Variants in TPD52 observed in about 807,000 individuals in gnomAD.
The protein encoded by TPD52 is tumor protein D52, also known as prostate and colon associated protein.
Under a neutral mutation model 31.3 loss-of-function variants are expected in TPD52, and 17 were observed. The ratio of observed to expected loss-of-function variants is 0.54; its 90% CI spans 0.37 to 0.82. The LOEUF (loss-of-function observed/expected upper bound fraction) is 0.82, where lower values mean the gene tolerates loss of function less well. TPD52 is among the 40% of genes least tolerant of loss of function. The pLI, the probability that TPD52 is intolerant of heterozygous loss-of-function variation, is 0.00. For missense variants in TPD52, 212 were observed against 240.1 expected (o/e 0.88, Z 0.77); for synonymous variants, 83 against 89.6 (o/e 0.93, Z 0.42).
intron 1 of TPD52, among the ~76,000 whole-genome samples, chr8:80,133,923 T>G (rs10808840): frequency 0.43 from 65,651 of 151,934 alleles, 14,780 homozygotes; most frequent in East Asian, 0.78. Context: ...CAAGTCAGAA[T>G]AAGAAGAAGA....
chr8:80,105,888 C>T (rs773531952), intron 1 of TPD52, among the ~76,000 whole-genome samples: 21 of 152,174 alleles, frequency 1.4e-4, no homozygotes, highest in East Asian at 5.8e-4. Flanking sequence ...CTCACCACCA[C>T]GCCCAGCTAA....
Position 80,165,113 on chromosome 8 carries a change from C to A in TPD52, c.19+6312G>T, listed in dbSNP as rs1811630285. 2.0e-5 allele frequency among the ~76,000 whole-genome samples: 3 copies of A among 151,924 alleles called. No homozygotes were observed. The South Asian group carries it at 6.2e-4, about 31-fold the overall frequency. ...AATGCCATGTAGATTGTAAACATAT[C>A]AAAAGAAGTAAACTACCTTTATATT... On this transcript the variant is annotated intron_variant, in intron 1 of 7. Coordinates refer to ENST00000518937, the MANE Select transcript of TPD52 (RefSeq NM_001025253.3).
In TPD52 at chr8:80,053,376, G is replaced by C. The variant is rs201667286; in HGVS notation, c.190C>G (p.Leu64Val). Residue 64 changes from leucine to valine, a missense_variant, in exon 3 of 8, where the codon CTA (leucine) becomes GTA (valine). Physicochemically the swap from Leu to Val is conservative, Grantham distance 32. Transcript: ENST00000518937. ...SQVLAAKEKH[L>V]AEIKRKLGIN... The stretch of plus-strand genomic sequence containing the variant: ...CCAAGTTTCCGCTTGATCTCTGCTA[G>C]ATGCTTCTCTTTTGCTGCTAACACT... 1.7e-5 allele frequency: 27 copies of C among 1,613,642 alleles called. No homozygotes were observed. Among genetic ancestry groups the C allele is most frequent in the Middle Eastern group, 1.6e-4 (1 of 6,080 alleles).
intron 1 of TPD52, among the ~76,000 whole-genome samples, chr8:80,072,347 GTATGTGTGTATATACATGTACACATAGA>G (rs1563597886): frequency 6.8e-6 from 1 of 147,316 alleles, no homozygotes; most frequent in Non-Finnish European, 1.5e-5. Flanking sequence ...GTGTGTGTGT[GTATGTGTGTATATACATGTACACATAGA>G]TATGCGTGTA....
chr8:80,031,665 T>G (rs1809697602), downstream of TPD52, among the ~76,000 whole-genome samples: 1 of 151,884 alleles, frequency 6.6e-6, no homozygotes, highest in Non-Finnish European at 1.5e-5. Flanking sequence ...CGAGACCAGC[T>G]TGGGCCATAG....
At chr8:80,041,307 A>T (rs964354308) in intron 7 of TPD52, among the ~76,000 whole-genome samples, 4 of 152,280 alleles carry the variant, frequency 2.6e-5, no homozygotes, top group African/African-American at 7.2e-5. Flanking sequence ...AAATAAATTA[A>T]AAAAAGATCC....
intron 1 of TPD52, among the ~76,000 whole-genome samples, chr8:80,112,103 T>A (rs1338320091): frequency 2.0e-5 from 3 of 152,156 alleles, no homozygotes; most frequent in Non-Finnish European, 4.4e-5. Context: ...CAAGGACAAA[T>A]AAAATACCCA....
intron 1 of TPD52, among the ~76,000 whole-genome samples, chr8:80,130,508 G>A (rs986989229): frequency 1.3e-5 from 2 of 152,062 alleles, no homozygotes; most frequent in Non-Finnish European, 2.9e-5. Context: ...TTAACCTTCA[G>A]GACATTTCAT....
chr8:80,041,709 A>C (rs567086782), intron 7 of TPD52, among the ~76,000 whole-genome samples: 4 of 151,916 alleles, frequency 2.6e-5, no homozygotes, highest in Non-Finnish European at 4.4e-5. Flanking sequence ...CAAAAAATAA[A>C]AACAGTGAAT....
intron 5 of TPD52, among the ~76,000 whole-genome samples, chr8:80,049,032 G>T (rs1022210725): frequency 6.6e-6 from 1 of 152,132 alleles, no homozygotes; most frequent in Non-Finnish European, 1.5e-5. Context: ...TCTAGGTATG[G>T]CTTTAAGGTA....
At chr8:80,171,091 T>C in intron 1 of TPD52, 1 of 627,192 alleles carries the variant, frequency 1.6e-6, no homozygotes, top group Non-Finnish European at 2.9e-6. Flanking sequence ...GGCTGCGCCG[T>C]GCTCCCTTCA....
intron 1 of TPD52, among the ~76,000 whole-genome samples, chr8:80,097,750 C>G (rs1278664584): frequency 6.6e-6 from 1 of 152,170 alleles, no homozygotes; most frequent in Non-Finnish European, 1.5e-5. Context: ...AATGCAAGAA[C>G]AAACTAAAAC....
intron 1 of TPD52, among the ~76,000 whole-genome samples, chr8:80,090,226 T>C (rs2130878161): frequency 6.6e-6 from 1 of 151,966 alleles, no homozygotes; most frequent in Non-Finnish European, 1.5e-5. Flanking sequence ...GCCCTGGCTC[T>C]ACAAAAAAAA....
chr8:80,041,962 G>A (rs1430918980), intron 7 of TPD52, among the ~76,000 whole-genome samples: 5 of 152,094 alleles, frequency 3.3e-5, no homozygotes, highest in South Asian at 2.1e-4. Flanking sequence ...GGTGGCACGC[G>A]CCTGTAGTCC....
chr8:80,109,032 T>C (rs924108307), intron 1 of TPD52, among the ~76,000 whole-genome samples: 33 of 152,338 alleles, frequency 2.2e-4, no homozygotes, highest in African/African-American at 7.7e-4. Flanking sequence ...ATTGGTTATA[T>C]TACCAAGGGT....
intron 1 of TPD52, among the ~76,000 whole-genome samples, chr8:80,109,404 GATT>G (rs1807352672): frequency 6.6e-6 from 1 of 152,074 alleles, no homozygotes; most frequent in South Asian, 2.1e-4. Flanking sequence ...GTCTTACACT[GATT>G]ATTATTATTA....
At chr8:80,051,784 G>A (rs1811414539) in intron 3 of TPD52, 156 bp from the exon 4 acceptor site, 1 of 599,500 alleles carries the variant, frequency 1.7e-6, no homozygotes, top group Non-Finnish European at 2.8e-6. Flanking sequence ...CCAGCAGAGC[G>A]GCATCACCAC....
intron 1 of TPD52, among the ~76,000 whole-genome samples, chr8:80,155,893 A>T (rs1810936091): frequency 6.6e-6 from 1 of 151,994 alleles, no homozygotes; most frequent in Non-Finnish European, 1.5e-5. Flanking sequence ...CAAAAAAAAA[A>T]AAAGAAAGAA....
chr8:80,146,217 T>C (rs1040270312), intron 1 of TPD52, among the ~76,000 whole-genome samples: 4 of 152,190 alleles, frequency 2.6e-5, no homozygotes, highest in African/African-American at 9.7e-5. Context: ...AGTCTAGCAC[T>C]GAAGTCGTGC....
Sources: gnomAD v4.1 joint callset for allele counts (sites outside exome capture counted in the v4.1 genomes callset) on GRCh38, gnomAD v4.1.1 for gene constraint, MANE v1.5 for transcripts, NCBI Gene and HGNC (gene_info 2026-07-23, HGNC 2026-07-21) for gene names.